The following USO1 variants were observed in gnomAD, a reference collection of about 807,000 sequenced individuals.
The protein encoded by USO1 is general vesicular transport factor p115.
USO1 carries 57 observed loss-of-function variants against 124.5 expected under a neutral mutation model. That is an observed-to-expected ratio of 0.46 (90% CI 0.37 to 0.57). USO1 has a LOEUF of 0.57. Ranked by LOEUF, USO1 falls within the 20% of genes least tolerant of loss-of-function variation. The pLI is 0.00. For synonymous variants in USO1, 369 were observed against 362.8 expected (o/e 1.02, Z -0.19); for missense variants, 900 against 1,040.6 (o/e 0.86, Z 1.86).
intron 12 of USO1, among the ~76,000 whole-genome samples, chr4:75,791,658 A>C (rs542702367): frequency 6.6e-6 from 1 of 152,294 alleles, no homozygotes; most frequent in Admixed American, 6.5e-5. Flanking sequence ...ACCTAAGATA[A>C]ATTTTTTAAA....
At chr4:75,811,759 G>A (rs911715475) in intron 22 of USO1, among the ~76,000 whole-genome samples, 1 of 152,142 alleles carries the variant, frequency 6.6e-6, no homozygotes, top group Non-Finnish European at 1.5e-5. Flanking sequence ...TTGTATGCTT[G>A]AAGTTGGGAT....
Position 75,782,461 on chromosome 4 carries a change from G to A in USO1, c.677-219G>A, listed in dbSNP as rs574332451. On this transcript the variant is annotated intron_variant, in intron 8 of 23. Coordinates refer to ENST00000514213, the MANE Select transcript of USO1 (RefSeq NM_003715.4). ...AAGATAAACAATGAGTTACTAAGGC[G>A]ATTGGTTACTTGACATAGAAGTCAA... 3.9e-5 allele frequency among the ~76,000 whole-genome samples: 6 copies of A among 152,294 alleles called. No homozygotes were observed. In the East Asian group the frequency reaches 9.6e-4, roughly 24 times the overall value.
At chr4:75,779,825 A>C (rs777045734) in intron 8 of USO1, among the ~76,000 whole-genome samples, 1 of 152,242 alleles carries the variant, frequency 6.6e-6, no homozygotes, top group Non-Finnish European at 1.5e-5. Context: ...AATTATGCTA[A>C]ATGTTCAGCA....
intron 9 of USO1, among the ~76,000 whole-genome samples, chr4:75,785,216 TTCA>T (rs1170428291): frequency 6.6e-6 from 1 of 152,244 alleles, no homozygotes; most frequent in African/African-American, 2.4e-5. Flanking sequence ...GTTGGAACTA[TTCA>T]TCATCACAGT....
chr4:75,807,156 C>A (rs1723020450), intron 20 of USO1, among the ~76,000 whole-genome samples: 1 of 151,508 alleles, frequency 6.6e-6, no homozygotes, highest in Non-Finnish European at 1.5e-5. Flanking sequence ...TACCTTTATC[C>A]AATGAAAAAA....
chr4:75,748,918 G>A (rs1354234950), intron 1 of USO1, among the ~76,000 whole-genome samples: 1 of 151,474 alleles, frequency 6.6e-6, no homozygotes, highest in Non-Finnish European at 1.5e-5. Context: ...GTTTTTAAGA[G>A]ATAACTAAGT....
intron 1 of USO1, among the ~76,000 whole-genome samples, chr4:75,732,952 G>C (rs540918611): frequency 2.7e-5 from 4 of 147,954 alleles, no homozygotes; most frequent in African/African-American, 9.9e-5. Flanking sequence ...ATGAAGGTAA[G>C]GTTATATCAT....
At chr4:75,808,866 T>C in intron 20 of USO1, 87 bp from the exon 21 acceptor site, 1 of 1,422,864 alleles carries the variant, frequency 7.0e-7, no homozygotes, top group Non-Finnish European at 9.4e-7. Context: ...AGGTTGTAAA[T>C]CATTTTTTTA....
intron 1 of USO1, among the ~76,000 whole-genome samples, chr4:75,747,041 GTAT>G (rs1721144889): frequency 6.6e-6 from 1 of 152,116 alleles, no homozygotes; most frequent in African/African-American, 2.4e-5. Context: ...GCTTTTATAT[GTAT>G]TATTTCATTT....
chr4:75,770,992 T>A, intron 6 of USO1, 68 bp downstream of exon 6: 1 of 1,596,094 alleles, frequency 6.3e-7, no homozygotes, highest in Non-Finnish European at 8.5e-7. Context: ...AGAAAGGGAC[T>A]GAAATGGTGT....
chr4:75,794,278 T>C (rs1471709971), intron 13 of USO1, among the ~76,000 whole-genome samples: 1 of 152,198 alleles, frequency 6.6e-6, no homozygotes, highest in Non-Finnish European at 1.5e-5. Context: ...TTTCCCTCTT[T>C]CTCTTCCCAA....
At chr4:75,739,191 A>G (rs1440184631) in intron 1 of USO1, among the ~76,000 whole-genome samples, 1 of 152,104 alleles carries the variant, frequency 6.6e-6, no homozygotes, top group Non-Finnish European at 1.5e-5. Context: ...GCGTTAAGTA[A>G]CCTTAGAGTT....
chr4:75,790,204 T>C lies in USO1; in HGVS notation c.1051T>C (p.Phe351Leu). 3 of 1,603,436 alleles carry C rather than the reference T, an allele frequency of 1.9e-6. No individual in the cohort carries two copies. The highest frequency in any genetic ancestry group is 2.6e-6 in the Non-Finnish European group (3 of 1,174,776). The change falls in exon 11 of 24, where the codon TTT (phenylalanine) becomes CTT (leucine). Residue 351 changes from phenylalanine to leucine, a missense_variant. Phe to Leu is a conservative substitution (Grantham distance 22). This residue lies in a region of USO1 where 538 missense variants were observed against 681.6 expected (regional missense o/e 0.79). Coordinates refer to ENST00000514213, the MANE Select transcript of USO1 (RefSeq NM_003715.4). The stretch of plus-strand genomic sequence containing the variant: ...AGGCTGCCAAGTAAACCAAGACTAC[T>C]TTGCATCTGTAAATGCACCTTCAAA... ...IRGCQVNQDY[F>L]ASVNAPSNPP...
Position 75,800,622 on chromosome 4 carries a change from A to T in USO1, c.1687A>T (p.Lys563Ter). The change falls in exon 16 of 24, where the codon AAG becomes TAG. Residue 563 changes from lysine to a stop codon, truncating the protein, a stop_gained. Coordinates refer to ENST00000514213, the MANE Select transcript of USO1 (RefSeq NM_003715.4). LOFTEE classifies it high-confidence loss of function. ...DNSLESYMKE[K>*]LKQLIEKRIG... ...TCAATATGCTTATCTCCGTAGAGAG[A>T]AGCTAAAACAACTGATTGAGAAGAG... is the stretch of plus-strand genomic sequence containing the variant. 6.4e-7 allele frequency: 1 copy of T among 1,556,422 alleles called. No homozygotes were observed. Among genetic ancestry groups the T allele is most frequent in the Non-Finnish European group, 8.6e-7 (1 of 1,159,392 alleles).
intron 8 of USO1, among the ~76,000 whole-genome samples, chr4:75,778,702 A>G (rs1236534508): frequency 6.6e-6 from 1 of 152,224 alleles, no homozygotes; most frequent in Non-Finnish European, 1.5e-5. Flanking sequence ...GGTGGAGACA[A>G]GAGATTATAC....
chr4:75,728,820 A>G (rs1348855263), intron 1 of USO1, among the ~76,000 whole-genome samples: 1 of 152,016 alleles, frequency 6.6e-6, no homozygotes, highest in African/African-American at 2.4e-5. Context: ...TTGTTTTGAG[A>G]CAGAGTCTCG....
chr4:75,772,403 A>AT (rs1274548671), intron 7 of USO1, among the ~76,000 whole-genome samples: 1 of 151,518 alleles, frequency 6.6e-6, no homozygotes, highest in Non-Finnish European at 1.5e-5. Flanking sequence ...CCCCCAGCTA[A>AT]TTTTTTTGTA....
rs555123130 is a variant in USO1, at chr4:75,758,948, G to A, written c.295+1375G>A. ...CTACAATGAGAAAATTAGATGCAACGCAGTTGTTCAAATACATTTTTAAAA... is the reference window on the plus strand; with the variant it reads ...CTACAATGAGAAAATTAGATGCAACACAGTTGTTCAAATACATTTTTAAAA... On this transcript the variant is annotated intron_variant, in intron 4 of 23. Coordinates refer to ENST00000514213, the MANE Select transcript of USO1 (RefSeq NM_003715.4). Among the ~76,000 whole-genome samples, 24 of 152,142 alleles carry A rather than the reference G, an allele frequency of 1.6e-4. No individual in the cohort carries two copies. The South Asian group carries it at 4.2e-3, about 26-fold the overall frequency.
chr4:75,755,891 C>T (rs1577939342), intron 3 of USO1, among the ~76,000 whole-genome samples: 1 of 152,228 alleles, frequency 6.6e-6, no homozygotes, highest in East Asian at 1.9e-4. Context: ...CAGGAAAAGG[C>T]TGGGCACGGT....
Sources: allele counts gnomAD v4.1 joint callset (sites outside exome capture counted in the v4.1 genomes callset), GRCh38; gene constraint gnomAD v4.1.1; regional missense constraint gnomAD v4.1.1; transcripts MANE v1.5; gene names NCBI Gene and HGNC (gene_info 2026-07-23, HGNC 2026-07-21).